The following CYP4F12 variants were observed in gnomAD, a reference collection of about 807,000 sequenced individuals.
CYP4F12 encodes the protein cytochrome P450 family 4 subfamily F member 12, also known as cytochrome P450 4F12.
CYP4F12 carries 60 observed loss-of-function variants against 56.5 expected under a neutral mutation model. That is an observed-to-expected ratio of 1.06 (90% CI 0.86 to 1.32). The LOEUF is 1.32. CYP4F12 is among the 40% of genes most tolerant of loss of function. The probability of loss-of-function intolerance (pLI) is 0.00; values close to 1 mark genes in which losing one functional copy is unlikely to be tolerated. For synonymous variants in CYP4F12, 263 were observed against 264.9 expected (o/e 0.99, Z 0.07); for missense variants, 711 against 683.5 (o/e 1.04, Z -0.45).
chr19:15,695,435 A>C (rs1002379032), intron 9 of CYP4F12, among the ~76,000 whole-genome samples: 1 of 151,800 alleles, frequency 6.6e-6, no homozygotes, highest in Non-Finnish European at 1.5e-5. Flanking sequence ...GCACACCAGC[A>C]TGGCACATGT....
At chr19:15,678,428 G>C in intron 3 of CYP4F12, 23 bp downstream of exon 3, 1 of 1,613,912 alleles carries the variant, frequency 6.2e-7, no homozygotes, top group South Asian at 1.1e-5. Context: ...AGCTTGTGGT[G>C]GTGGGTGCCA....
At chr19:15,686,889 C>T (rs2144743342) in intron 9 of CYP4F12, among the ~76,000 whole-genome samples, 1 of 152,256 alleles carries the variant, frequency 6.6e-6, no homozygotes, top group South Asian at 2.1e-4. Flanking sequence ...AGCCTTTGCT[C>T]AGCACAGCAG....
rs146809237 is a variant in CYP4F12, at chr19:15,680,010, T to A, written c.344-234T>A. On this transcript the variant is annotated intron_variant, in intron 3 of 12. Transcript: ENST00000550308. ...AACATGTTGGGATATATAGGAGCCA[T>A]GTCAAGGCGTGCTGGGGTGTGCTAT... Among the ~76,000 whole-genome samples the A allele has an allele frequency of 6.4e-3, 970 of 152,302 alleles. 9 individuals carry two copies. Among genetic ancestry groups the A allele is most frequent in the African/African-American group, 0.022 (907 of 41,558 alleles).
intron 3 of CYP4F12, among the ~76,000 whole-genome samples, chr19:15,679,189 G>T (rs1458915063): frequency 6.6e-6 from 1 of 152,174 alleles, no homozygotes; most frequent in East Asian, 1.9e-4. Flanking sequence ...CCAGCTCTCT[G>T]GCTGCTGAGG....
chr19:15,691,701 T>C (rs1304556326), intron 9 of CYP4F12, among the ~76,000 whole-genome samples: 5 of 135,430 alleles, frequency 3.7e-5, no homozygotes, highest in African/African-American at 1.5e-4. Context: ...AATGTTTTTT[T>C]TTTCTGTTTT....
intron 9 of CYP4F12, among the ~76,000 whole-genome samples, chr19:15,688,425 G>A (rs2007722485): frequency 6.6e-6 from 1 of 151,626 alleles, no homozygotes; most frequent in Non-Finnish European, 1.5e-5. Context: ...CTCTCTACAA[G>A]GAGAACTACA....
At chr19:15,682,533 G>A (rs546780547) in intron 6 of CYP4F12, 23 bp downstream of exon 6, 2 of 1,611,608 alleles carry the variant, frequency 1.2e-6, no homozygotes, top group African/African-American at 1.3e-5. Context: ...CTAGGGCCTG[G>A]GATATGAATC....
At chr19:15,678,816 C>T (rs2007127273) in intron 3 of CYP4F12, among the ~76,000 whole-genome samples, 1 of 152,172 alleles carries the variant, frequency 6.6e-6, no homozygotes, top group South Asian at 2.1e-4. Context: ...CAGGATGATG[C>T]AGTGGGCATC....
At chr19:15,684,222 A>G (rs3848642) in intron 7 of CYP4F12, 85,267 of 155,342 alleles carry the variant, frequency 0.55, 23,245 homozygotes, top group East Asian at 0.71. Flanking sequence ...GGGCCCCCAC[A>G]TTATGAGTAT....
chr19:15,685,263 G>A (rs1213887608), intron 9 of CYP4F12, 66 bp downstream of exon 9: 22 of 1,569,474 alleles, frequency 1.4e-5, no homozygotes. Context: ...AGTGAGGAGG[G>A]GTGGAGGAGT....
At chr19:15,696,270 T>C in intron 11 of CYP4F12, 45 bp downstream of exon 11, 1 of 1,533,066 alleles carries the variant, frequency 6.5e-7, no homozygotes. Context: ...TCCTCTACTT[T>C]TGTGTGTGTG....
chr19:15,694,847 AAAC>A, intron 9 of CYP4F12, among the ~76,000 whole-genome samples: 1 of 152,320 alleles, frequency 6.6e-6, no homozygotes, highest in South Asian at 2.1e-4. Flanking sequence ...AAAAGTCAGG[AAAC>A]AACAGGTGCT....
chr19:15,686,136 C>G (rs10420354), intron 9 of CYP4F12, among the ~76,000 whole-genome samples: 1 of 152,090 alleles, frequency 6.6e-6, no homozygotes, highest in Non-Finnish European at 1.5e-5. Context: ...AGAAGCATGG[C>G]TGGGAGTACA....
In CYP4F12 at chr19:15,675,257, G is replaced by A. The variant is rs1250258711; in HGVS notation, c.198+1530G>A. ...CTCCCCTTTGGGGGATGTGGCCTCTGTCTGCTCACTTACAAAAGGCAGGAT... is the reference window on the plus strand; with the variant it reads ...CTCCCCTTTGGGGGATGTGGCCTCTATCTGCTCACTTACAAAAGGCAGGAT... On this transcript the variant is annotated intron_variant, in intron 2 of 12. Transcript: ENST00000550308. Among the ~76,000 whole-genome samples, 95 of 96,936 alleles carry A rather than the reference G, an allele frequency of 9.8e-4. 3 individuals are homozygous for A. Among genetic ancestry groups the A allele is most frequent in the African/African-American group, 3.5e-3 (90 of 25,618 alleles). The allele number at this position is 96,936 out of a possible 152,430, so 63.6% of individuals were successfully genotyped here. A position where few individuals can be genotyped will look rare whatever the true frequency, so the allele number is the denominator to read the frequency against.
chr19:15,683,745 T>A lies in CYP4F12; in HGVS notation c.900T>A (p.Asp300Glu). 1 of 1,568,466 alleles carries A rather than the reference T, an allele frequency of 6.4e-7. No homozygotes were observed. The highest frequency in any genetic ancestry group is 8.6e-7 in the Non-Finnish European group (1 of 1,158,156). The change falls in exon 7 of 13, where the codon GAT becomes GAA. Residue 300 changes from aspartate (D) to glutamate (E), a missense_variant. Asp to Glu is a conservative substitution (Grantham distance 45). Coordinates refer to ENST00000550308, the MANE Select transcript of CYP4F12 (RefSeq NM_023944.4). ...KAKSKTLDFI[D>E]VLLLSKDEDG... The stretch of plus-strand genomic sequence containing the variant: ...AGTCCAAGACTTTGGATTTCATTGA[T>A]GTGCTTCTGCTGAGCAAGGTAGGTT...
rs772552948 is a variant in CYP4F12 at position 15,696,221 on chromosome 19, C to A, written c.1310C>A (p.Pro437His). ...VHHNPTVWPD[P>H]EVYDPFRFDP... Reference sequence around the variant, plus strand: ...CACAACCCAACTGTGTGGCCGGATCCTGAGGTGCTGCCTTCCCCATTCACC... The same window carrying A: ...CACAACCCAACTGTGTGGCCGGATCATGAGGTGCTGCCTTCCCCATTCACC... The change falls in exon 11 of 13, where the codon CCT (proline) becomes CAT (histidine). Residue 437 changes from proline to histidine, a missense_variant. Pro to His is a moderately conservative substitution (Grantham distance 77, BLOSUM62 -2). Transcript: ENST00000550308. The A allele has an allele frequency of 1.2e-5, 20 of 1,613,974 alleles. No homozygotes were observed. The highest frequency in any genetic ancestry group is 1.7e-5 in the Non-Finnish European group (20 of 1,180,008).
rs1375721848 is a variant in CYP4F12 at position 15,684,706 on chromosome 19, C to T, written c.919-110C>T. 8 of 1,101,702 alleles carry T rather than the reference C, an allele frequency of 7.3e-6. No homozygotes were observed. The Admixed American group carries it at 1.2e-4, about 17-fold the overall frequency. 68.2% of individuals were successfully genotyped at this position (1,101,702 alleles called of 1,614,324 possible). The stretch of plus-strand genomic sequence containing the variant: ...CATTTGAGTTTCTGGAAGATCAGAG[C>T]TTCAGAGATTATCTCAGGTTAGACT... On this transcript the variant is annotated intron_variant, in intron 7 of 12. Coordinates refer to ENST00000550308, the MANE Select transcript of CYP4F12 (RefSeq NM_023944.4).
chr19:15,682,270 GTT>G (rs2007342485), intron 5 of CYP4F12, 117 bp from the exon 6 acceptor site: 1 of 1,408,280 alleles, frequency 7.1e-7, no homozygotes, highest in South Asian at 1.3e-5. Context: ...CTGGCAATGG[GTT>G]CCTGGGGCAG....
chr19:15,682,478 A>G lies in CYP4F12; in HGVS notation c.615A>G (p.Lys205=). 1 of 1,613,848 alleles carries G rather than the reference A, an allele frequency of 6.2e-7. No individual in the cohort carries two copies. Residue 205 remains lysine, a synonymous_variant, in exon 6 of 13, where the codon AAA becomes AAG. Transcript: ENST00000550308. The part of the protein sequence containing the change: ...ISLMTLDSLQ[K]CIFSFDSHCQ... ...TCATGACCTTGGACAGTCTACAGAA[A>G]TGCATCTTCAGCTTTGACAGCCATT...
Sources: allele counts gnomAD v4.1 joint callset (sites outside exome capture counted in the v4.1 genomes callset), GRCh38; gene constraint gnomAD v4.1.1; transcripts MANE v1.5; gene names NCBI Gene and HGNC (gene_info 2026-07-23, HGNC 2026-07-21).